RNASEH2B: variants seen among roughly 807,000 people sequenced by gnomAD.
RNASEH2B encodes ribonuclease H2 subunit B, also known as Aicardi-Goutieres syndrome 2 protein.
A neutral mutation model predicts 45.0 loss-of-function variants in RNASEH2B; 36 were observed. That is an observed-to-expected ratio of 0.80 (90% CI 0.61 to 1.06). The LOEUF is 1.06. RNASEH2B is among the 50% of genes least tolerant of loss of function. The probability of loss-of-function intolerance (pLI) is 0.00; values close to 1 mark genes in which losing one functional copy is unlikely to be tolerated. For synonymous variants in RNASEH2B, 119 were observed against 125.7 expected (o/e 0.95, Z 0.35); for missense variants, 361 against 360.3 (o/e 1.00, Z -0.02).
chr13:50,913,176 A>G (rs1879526175), intron 1 of RNASEH2B: 2 of 152,234 alleles, frequency 1.3e-5, no homozygotes, highest in Non-Finnish European at 2.9e-5. Context: ...TGTTTCTGTA[A>G]AATGGCCTGG....
intron 1 of RNASEH2B, 183 bp downstream of exon 1, chr13:50,910,323 C>G (rs1879288997): frequency 2.4e-6 from 1 of 421,554 alleles, no homozygotes. Context: ...GGTTTTCAAA[C>G]CCGGAAGCGC....
intron 9 of RNASEH2B, among the ~76,000 whole-genome samples, chr13:50,966,882 A>C (rs1213058712): frequency 6.6e-6 from 1 of 152,232 alleles, no homozygotes; most frequent in Non-Finnish European, 1.5e-5. Context: ...ACAGTGAACA[A>C]ATATCTTAAT....
In RNASEH2B at chr13:50,910,052, C is replaced by T. The variant is rs562869389; in HGVS notation, c.-25C>T. 14 of 1,463,022 alleles carry T rather than the reference C, an allele frequency of 9.6e-6. No individual in the cohort carries two copies. The African/African-American group carries it at 1.3e-4, about 14-fold the overall frequency. 90.6% of individuals were successfully genotyped at this position (1,463,022 alleles called of 1,614,324 possible). A position where few individuals can be genotyped will look rare whatever the true frequency, so the allele number is the denominator to read the frequency against. The stretch of plus-strand genomic sequence containing the variant: ...ACTGAGGCCCGCGGCGCTGAGCCTG[C>T]GGCGCCCCGGAAGAGGCGGGCGGCA... On this transcript the variant is annotated 5_prime_UTR_variant, in exon 1 of 11. Coordinates refer to ENST00000336617, the MANE Select transcript of RNASEH2B (RefSeq NM_024570.4).
chr13:50,954,279 G>T (rs1952016024), intron 10 of RNASEH2B: 2 of 520,710 alleles, frequency 3.8e-6, no homozygotes, highest in Admixed American at 3.6e-5. Flanking sequence ...AGCTCTACAG[G>T]TAATTTTTTG....
chr13:50,922,980 T>G (rs746785135), intron 1 of RNASEH2B, among the ~76,000 whole-genome samples: 1 of 152,150 alleles, frequency 6.6e-6, no homozygotes, highest in Non-Finnish European at 1.5e-5. Context: ...AGAATATCAA[T>G]AGAGAAATTG....
downstream of RNASEH2B, chr13:50,956,899 A>ATT (rs569597951): frequency 5.8e-4 from 174 of 298,848 alleles, 6 homozygotes; most frequent in South Asian, 0.019. Flanking sequence ...GTTTTTGGTA[A>ATT]ATTTTTTTTT....
intron 7 of RNASEH2B, 59 bp downstream of exon 7, chr13:50,945,591 A>G (rs954287653): frequency 9.2e-6 from 10 of 1,088,466 alleles, no homozygotes; most frequent in Non-Finnish European, 1.4e-5. Flanking sequence ...TTATGTGTAA[A>G]TGCCTATCTT....
chr13:50,928,828 G>A (rs778942064), intron 2 of RNASEH2B, among the ~76,000 whole-genome samples: 2 of 150,840 alleles, frequency 1.3e-5, no homozygotes, highest in Admixed American at 6.6e-5. Flanking sequence ...CAGCATCCTT[G>A]TCTCCAGAGA....
At chr13:50,916,547 G>T (rs1211365202) in intron 1 of RNASEH2B, among the ~76,000 whole-genome samples, 3 of 152,150 alleles carry the variant, frequency 2.0e-5, no homozygotes, top group Non-Finnish European at 4.4e-5. Context: ...TTTGAAAGTG[G>T]ATAAAGATTG....
Position 50,926,127 on chromosome 13 carries a change from T to C in RNASEH2B, c.65-1280T>C, listed in dbSNP as rs1306644625. Reference sequence around the variant, plus strand: ...AGAGGGTTAATTGAATTCCTGTTATTCCATCTTGGTGGAAAGTAGAAATCT... The same window carrying C: ...AGAGGGTTAATTGAATTCCTGTTATCCCATCTTGGTGGAAAGTAGAAATCT... On this transcript the variant is annotated intron_variant, in intron 1 of 10. Coordinates refer to ENST00000336617, the MANE Select transcript of RNASEH2B (RefSeq NM_024570.4). 2.0e-5 allele frequency among the ~76,000 whole-genome samples: 3 copies of C among 150,404 alleles called. 1 individual carries two copies. The Admixed American group carries it at 2.0e-4, about 10-fold the overall frequency.
rs1379051832 is a variant in RNASEH2B at position 50,943,510 on chromosome 13, G to A, written c.510+116G>A. On this transcript the variant is annotated intron_variant, in intron 6 of 10. Coordinates refer to ENST00000336617, the MANE Select transcript of RNASEH2B (RefSeq NM_024570.4). Reference sequence around the variant, plus strand: ...CCATCTTGTATATTCAGTGAAAAGAGGAAAATTGTGTAGAGATACCAAGTA... The same window carrying A: ...CCATCTTGTATATTCAGTGAAAAGAAGAAAATTGTGTAGAGATACCAAGTA... 3.9e-6 allele frequency: 3 copies of A among 773,490 alleles called. No homozygotes were observed. The African/African-American group carries it at 5.2e-5, about 13-fold the overall frequency. 47.9% of individuals were successfully genotyped at this position (773,490 alleles called of 1,614,324 possible).
chr13:50,945,587 G>A, intron 7 of RNASEH2B, 55 bp downstream of exon 7: 2 of 1,113,428 alleles, frequency 1.8e-6, no homozygotes, highest in Non-Finnish European at 2.8e-6. Context: ...TTGCTTATGT[G>A]TAAATGCCTA....
intron 2 of RNASEH2B, among the ~76,000 whole-genome samples, chr13:50,928,843 G>A (rs1221180187): frequency 6.6e-6 from 1 of 150,800 alleles, no homozygotes; most frequent in Non-Finnish European, 1.5e-5. Flanking sequence ...CAGAGATTGT[G>A]CTGTGGTTAA....
chr13:50,938,026 G>GA (rs1008658259), intron 5 of RNASEH2B: 1 of 152,134 alleles, frequency 6.6e-6, no homozygotes, highest in African/African-American at 2.4e-5. Context: ...TGTCATGTAT[G>GA]AAAAAATCCA....
chr13:50,927,379 A>AT (rs768992317), intron 1 of RNASEH2B, 28 bp from the exon 2 acceptor site: 1 of 1,356,616 alleles, frequency 7.4e-7, no homozygotes, highest in Non-Finnish European at 1.1e-6. Context: ...GTGTGTTTTA[A>AT]TTTTAGATAT....
At chr13:50,933,803 C>T (rs186287619) in intron 4 of RNASEH2B, 49 of 152,216 alleles carry the variant, frequency 3.2e-4, no homozygotes, top group African/African-American at 1.2e-3. Context: ...TCATGGAAGA[C>T]TATAGATTTA....
chr13:50,938,091 G>A (rs922788459), intron 5 of RNASEH2B: 2 of 152,154 alleles, frequency 1.3e-5, no homozygotes, highest in African/African-American at 2.4e-5. Context: ...CAGGATACAA[G>A]TTCAATATAC....
At chr13:50,953,803 G>A (rs1432354884) in intron 9 of RNASEH2B, 102 bp from the exon 10 acceptor site, 4 of 763,702 alleles carry the variant, frequency 5.2e-6, no homozygotes, top group Admixed American at 2.1e-5. Context: ...TGTCCCATTC[G>A]CCTCTGTAGA....
chr13:50,921,969 A>G (rs1951529655), intron 1 of RNASEH2B, among the ~76,000 whole-genome samples: 1 of 152,196 alleles, frequency 6.6e-6, no homozygotes, highest in South Asian at 2.1e-4. Context: ...ACAGCCTTCA[A>G]CCATTGGCTA....
Sources: gnomAD v4.1 joint callset for allele counts (sites outside exome capture counted in the v4.1 genomes callset) on GRCh38, gnomAD v4.1.1 for gene constraint, MANE v1.5 for transcripts, NCBI Gene and HGNC (gene_info 2026-07-23, HGNC 2026-07-21) for gene names.